The following PAQR5 variants were observed in gnomAD, a reference collection of about 807,000 sequenced individuals.
The protein encoded by PAQR5 is progestin and adipoQ receptor family member 5, also known as membrane progestin receptor gamma.
A neutral mutation model predicts 34.5 loss-of-function variants in PAQR5; 20 were observed. The ratio of observed to expected loss-of-function variants is 0.58; its 90% CI spans 0.41 to 0.84. The LOEUF (loss-of-function observed/expected upper bound fraction) is 0.84. Ranked by LOEUF, PAQR5 falls within the 40% of genes least tolerant of loss-of-function variation. PAQR5 has a pLI of 0.00. For missense variants in PAQR5, 378 were observed against 412.7 expected (o/e 0.92, Z 0.73); for synonymous variants, 131 against 155.6 (o/e 0.84, Z 1.18).
At chr15:69,327,908 A>G (rs1334498126) in intron 1 of PAQR5, among the ~76,000 whole-genome samples, 1 of 152,040 alleles carries the variant, frequency 6.6e-6, no homozygotes, top group East Asian at 1.9e-4. Context: ...CCTCCCGAGT[A>G]GTTGGGATTA....
Position 69,328,311 on chromosome 15 carries a change from C to G in PAQR5, c.-276-9030C>G, listed in dbSNP as rs570335242. 4.6e-5 allele frequency among the ~76,000 whole-genome samples: 7 copies of G among 152,342 alleles called. No homozygotes were observed. The East Asian group carries it at 1.4e-3, about 29-fold the overall frequency. On this transcript the variant is annotated intron_variant, in intron 1 of 8. Coordinates refer to ENST00000395407, the MANE Select transcript of PAQR5 (RefSeq NM_017705.4). ...AGTTTATAAGCTAAGGATAGAGAGG[C>G]TGAGAAGGCTAAGACCAAGGCTGAG...
At chr15:69,341,381 G>A (rs1292202579) in intron 2 of PAQR5, among the ~76,000 whole-genome samples, 3 of 66,404 alleles carry the variant, frequency 4.5e-5, no homozygotes, top group Non-Finnish European at 3.2e-5. Context: ...TTAAAAAATA[G>A]GGTCTTGCTC....
chr15:69,379,767 A>G, intron 3 of PAQR5, 116 bp from the exon 4 acceptor site: 1 of 1,354,112 alleles, frequency 7.4e-7, no homozygotes. Context: ...TAACAGGTTA[A>G]GGACTTGGGG....
At chr15:69,302,984 A>G (rs1031632990) in intron 1 of PAQR5, among the ~76,000 whole-genome samples, 2 of 152,184 alleles carry the variant, frequency 1.3e-5, no homozygotes, top group East Asian at 1.9e-4. Context: ...CTGATGGCCT[A>G]TAGATTTCAC....
chr15:69,389,226 A>G (rs1468251074), intron 5 of PAQR5, among the ~76,000 whole-genome samples: 1 of 152,212 alleles, frequency 6.6e-6, no homozygotes, highest in African/African-American at 2.4e-5. Flanking sequence ...GTCTGTCGTC[A>G]TGGACCACAG....
intron 4 of PAQR5, among the ~76,000 whole-genome samples, chr15:69,382,417 C>T (rs1233678748): frequency 6.6e-6 from 1 of 151,946 alleles, no homozygotes; most frequent in Admixed American, 6.6e-5. Flanking sequence ...GAGGCTGAGG[C>T]AGGCAGACCA....
At chr15:69,390,348 A>T (rs868037484) in intron 6 of PAQR5, among the ~76,000 whole-genome samples, 1,863 of 124,746 alleles carry the variant, frequency 0.015, 40 homozygotes, top group Non-Finnish European at 0.022. Context: ...TTATTTATTT[A>T]TTTATTTATT....
chr15:69,322,758 GA>G (rs1372313789), intron 1 of PAQR5, among the ~76,000 whole-genome samples: 1 of 46,394 alleles, frequency 2.2e-5, no homozygotes. Flanking sequence ...AGAAGAAGAA[GA>G]AGAAGAAGAA....
chr15:69,370,919 C>T (rs534237962), intron 3 of PAQR5, among the ~76,000 whole-genome samples: 7 of 152,224 alleles, frequency 4.6e-5, no homozygotes, highest in African/African-American at 9.6e-5. Flanking sequence ...TAATTATTAT[C>T]GCACATGTCT....
chr15:69,389,522 C>A, intron 5 of PAQR5, 132 bp from the exon 6 acceptor site: 1 of 1,133,480 alleles, frequency 8.8e-7, no homozygotes, highest in Non-Finnish European at 1.3e-6. Flanking sequence ...GGGGGAATGG[C>A]ACCAGCGAGG....
chr15:69,303,422 AT>A (rs946872036), intron 1 of PAQR5, among the ~76,000 whole-genome samples: 2 of 152,136 alleles, frequency 1.3e-5, no homozygotes, highest in African/African-American at 2.4e-5. Context: ...GGAAGGAGTC[AT>A]CCCCACCAGA....
chr15:69,395,278 C>T (rs1313030977), intron 6 of PAQR5, among the ~76,000 whole-genome samples: 1 of 152,172 alleles, frequency 6.6e-6, no homozygotes, highest in African/African-American at 2.4e-5. Context: ...GAAGGCCGGG[C>T]GGGGTCTGAG....
intron 1 of PAQR5, among the ~76,000 whole-genome samples, chr15:69,331,381 T>A (rs932772789): frequency 6.6e-6 from 1 of 152,176 alleles, no homozygotes; most frequent in African/African-American, 2.4e-5. Context: ...TCTGGAAGAT[T>A]TCGAGGCAGT....
At chr15:69,341,673 A>G (rs2054647865) in intron 2 of PAQR5, among the ~76,000 whole-genome samples, 1 of 152,110 alleles carries the variant, frequency 6.6e-6, no homozygotes, top group Non-Finnish European at 1.5e-5. Context: ...TACCTGCTTC[A>G]GGCCGTCGCA....
At chr15:69,379,028 A>G (rs2055803223) in intron 3 of PAQR5, among the ~76,000 whole-genome samples, 1 of 152,160 alleles carries the variant, frequency 6.6e-6, no homozygotes, top group Admixed American at 6.5e-5. Flanking sequence ...CAACAAATTA[A>G]ACACTTCACT....
chr15:69,322,766 A>AGAAGAAGATGAGGAAGAAGAAGAG lies in PAQR5; in HGVS notation c.-276-14570_-276-14569insAGATGAGGAAGAAGAAGAGGAAGA, dbSNP rs2054144704. 7.8e-5 allele frequency among the ~76,000 whole-genome samples: 2 copies of AGAAGAAGATGAGGAAGAAGAAGAG among 25,784 alleles called. 1 individual carries two copies. The highest frequency in any genetic ancestry group is 2.0e-4 in the African/African-American group (2 of 9,834). The allele number at this position is 25,784 out of a possible 152,430, so 16.9% of individuals were successfully genotyped here. ...AAGAAGAAGAAGAAGAAGAAGAAGA[A>AGAAGAAGATGAGGAAGAAGAAGAG]GAAGAGGGAGAAGAAGAAGACGAGG... On this transcript the variant is annotated intron_variant, in intron 1 of 8. Coordinates refer to ENST00000395407, the MANE Select transcript of PAQR5 (RefSeq NM_017705.4).
intron 5 of PAQR5, 98 bp downstream of exon 5, chr15:69,384,980 C>A: frequency 2.4e-6 from 2 of 835,752 alleles, no homozygotes; most frequent in Non-Finnish European, 3.9e-6. Context: ...GATGAGTTTG[C>A]AGAAGAATCC....
At chr15:69,334,891 G>A (rs28875490) in intron 1 of PAQR5, among the ~76,000 whole-genome samples, 8,973 of 152,244 alleles carry the variant, frequency 0.059, 897 homozygotes, top group African/African-American at 0.2. Flanking sequence ...GGTTGATCTT[G>A]TAACAAATTC....
chr15:69,383,827 A>G (rs1223607027), intron 4 of PAQR5, among the ~76,000 whole-genome samples: 1 of 8,276 alleles, frequency 1.2e-4, no homozygotes, highest in Non-Finnish European at 2.0e-4. Flanking sequence ...CTTTGTGTTC[A>G]TGGTGGAGGG....
Sources: allele counts gnomAD v4.1 joint callset (sites outside exome capture counted in the v4.1 genomes callset), GRCh38; gene constraint gnomAD v4.1.1; transcripts MANE v1.5; gene names NCBI Gene and HGNC (gene_info 2026-07-23, HGNC 2026-07-21).